GOLM1: variants seen among roughly 807,000 people sequenced by gnomAD.
GOLM1 encodes epididymis luminal protein 46.
A neutral mutation model predicts 50.5 loss-of-function variants in GOLM1; 31 were observed. The observed-to-expected ratio is 0.61, with a 90% CI of 0.46 to 0.83. The LOEUF is 0.83. GOLM1 is among the 40% of genes least tolerant of loss of function. The probability of loss-of-function intolerance (pLI) is 0.00; values close to 1 mark genes in which losing one functional copy is unlikely to be tolerated. For missense variants in GOLM1, 491 were observed against 501.3 expected, an observed-to-expected ratio of 0.98 and a Z score of 0.20; for synonymous variants, 178 against 192.8, an observed-to-expected ratio of 0.92 and a Z score of 0.64.
intron 9 of GOLM1, among the ~76,000 whole-genome samples, chr9:86,028,983 G>A (rs1832882516): frequency 6.6e-6 from 1 of 151,964 alleles, no homozygotes; most frequent in Non-Finnish European, 1.5e-5. Flanking sequence ...CGAGTAGCTG[G>A]GACTACAGGC....
rs183543295 is a variant in GOLM1 at position 86,042,056 on chromosome 9, G to A, written c.468-1188C>T. Reference sequence around the variant, plus strand: ...GGCGTGAACCCGGGAGGCGGAGCTTGCAGTGAGCCGAGATCGCGCCACTGC... The same window carrying A: ...GGCGTGAACCCGGGAGGCGGAGCTTACAGTGAGCCGAGATCGCGCCACTGC... On this transcript the variant is annotated intron_variant, in intron 5 of 9. Coordinates refer to ENST00000388712, the MANE Select transcript of GOLM1 (RefSeq NM_016548.4). Among the ~76,000 whole-genome samples the A allele has an allele frequency of 7.2e-4, 110 of 152,326 alleles. 1 individual carries two copies. Among genetic ancestry groups the A allele is most frequent in the Admixed American group, 6.5e-4 (10 of 15,310 alleles).
At chr9:86,073,172 A>G (rs748317801) in intron 3 of GOLM1, among the ~76,000 whole-genome samples, 1 of 152,170 alleles carries the variant, frequency 6.6e-6, no homozygotes, top group Non-Finnish European at 1.5e-5. Context: ...CTTGATCTCA[A>G]TCACCGGTTT....
intron 1 of GOLM1, 61 bp from the exon 2 acceptor site, chr9:86,079,402 C>CGT (rs1212593059): frequency 3.8e-6 from 5 of 1,326,204 alleles, no homozygotes; most frequent in Non-Finnish European, 5.2e-6. Flanking sequence ...CGAAGCAGAC[C>CGT]GTATCATCCT....
chr9:86,032,874 A>G (rs1833025987), intron 9 of GOLM1, among the ~76,000 whole-genome samples: 1 of 152,194 alleles, frequency 6.6e-6, no homozygotes. Context: ...GACTCTTCAA[A>G]AATTCAAAAT....
At chr9:86,069,088 A>G (rs976500049) in intron 3 of GOLM1, among the ~76,000 whole-genome samples, 1 of 151,734 alleles carries the variant, frequency 6.6e-6, no homozygotes, top group Non-Finnish European at 1.5e-5. Flanking sequence ...ATAAAGTATT[A>G]TAAGTATATT....
intron 6 of GOLM1, 43 bp downstream of exon 6, chr9:86,040,695 TA>T: frequency 6.3e-7 from 1 of 1,582,664 alleles, no homozygotes; most frequent in Middle Eastern, 1.7e-4. Context: ...TGCCTGAAGA[TA>T]GGGGTACCTT....
intron 2 of GOLM1, among the ~76,000 whole-genome samples, chr9:86,078,232 G>C (rs1834676824): frequency 1.3e-5 from 2 of 152,214 alleles, no homozygotes; most frequent in Admixed American, 1.3e-4. Flanking sequence ...GTGCACAAAA[G>C]GAGATAATTT....
chr9:86,051,881 C>T (rs1833764491), intron 4 of GOLM1, among the ~76,000 whole-genome samples: 1 of 152,196 alleles, frequency 6.6e-6, no homozygotes, highest in Admixed American at 6.5e-5. Flanking sequence ...GAATTCGAAA[C>T]CAGCAATGAC....
intron 1 of GOLM1, 29 bp from the exon 2 acceptor site, chr9:86,079,370 T>C: frequency 6.6e-7 from 1 of 1,524,636 alleles, no homozygotes. Flanking sequence ...TAAATAAACA[T>C]CAATACTAGT....
At chr9:86,080,868 T>C (rs866427875) in intron 1 of GOLM1, among the ~76,000 whole-genome samples, 22 of 152,188 alleles carry the variant, frequency 1.4e-4, no homozygotes, top group Non-Finnish European at 2.5e-4. Context: ...GTCTCTTTTT[T>C]GACTCTTAAA....
intron 3 of GOLM1, among the ~76,000 whole-genome samples, chr9:86,053,514 ACAC>A (rs1376363605): frequency 5.2e-4 from 19 of 36,638 alleles, no homozygotes; most frequent in African/African-American, 2.5e-3. Context: ...ACACTGCTCC[ACAC>A]AACACACCAC....
At chr9:86,089,339 C>A (rs1835100455) in intron 1 of GOLM1, among the ~76,000 whole-genome samples, 1 of 152,144 alleles carries the variant, frequency 6.6e-6, no homozygotes, top group Non-Finnish European at 1.5e-5. Flanking sequence ...TGGATAATAT[C>A]CTGAAGAGTG....
chr9:86,093,613 T>C (rs1384129496), intron 1 of GOLM1, among the ~76,000 whole-genome samples: 1 of 142,200 alleles, frequency 7.0e-6, no homozygotes, highest in Admixed American at 6.8e-5. Flanking sequence ...AGGAAAAAAC[T>C]GCATATTCTT....
intron 9 of GOLM1, among the ~76,000 whole-genome samples, chr9:86,029,327 A>T (rs1476315700): frequency 2.0e-5 from 3 of 152,126 alleles, no homozygotes; most frequent in Non-Finnish European, 4.4e-5. Context: ...TATAATCACC[A>T]CGCTCCTGTG....
At chr9:86,076,837 G>A (rs1350421061) in intron 3 of GOLM1, among the ~76,000 whole-genome samples, 4 of 148,370 alleles carry the variant, frequency 2.7e-5, no homozygotes, top group Non-Finnish European at 4.4e-5. Context: ...CAGCCTGGGC[G>A]ACAGAGCCAA....
At chr9:86,029,801 CTTTG>C (rs1832913695) in intron 9 of GOLM1, among the ~76,000 whole-genome samples, 2 of 152,186 alleles carry the variant, frequency 1.3e-5, no homozygotes, top group South Asian at 2.1e-4. Flanking sequence ...TACCTACTTA[CTTTG>C]TTTAAAACCT....
chr9:86,054,715 C>A (rs535118925), intron 3 of GOLM1, among the ~76,000 whole-genome samples: 1 of 152,116 alleles, frequency 6.6e-6, no homozygotes, highest in African/African-American at 2.4e-5. Context: ...TTGCTACAAA[C>A]CCAAGCAGGA....
intron 7 of GOLM1, 105 bp from the exon 8 acceptor site, chr9:86,035,730 C>A: frequency 9.4e-7 from 1 of 1,069,234 alleles, no homozygotes; most frequent in Non-Finnish European, 1.3e-6. Context: ...AGAGCCTTCC[C>A]AAGGAGTGGG....
intron 9 of GOLM1, among the ~76,000 whole-genome samples, chr9:86,031,456 T>TG (rs1311990405): frequency 7.1e-6 from 1 of 141,672 alleles, no homozygotes; most frequent in African/African-American, 2.7e-5. Context: ...GAGGTTTTTT[T>TG]TTTTTTTTTT....
Sources: allele counts gnomAD v4.1 joint callset (sites outside exome capture counted in the v4.1 genomes callset), GRCh38; gene constraint gnomAD v4.1.1; transcripts MANE v1.5; gene names NCBI Gene and HGNC (gene_info 2026-07-23, HGNC 2026-07-21).